Variants in KLHDC10 observed in about 807,000 individuals in gnomAD.
KLHDC10 encodes the protein kelch domain containing 10.
KLHDC10 carries 24 observed loss-of-function variants against 56.1 expected under a neutral mutation model. The observed-to-expected ratio is 0.43, with a 90% CI of 0.31 to 0.60. KLHDC10 has a LOEUF of 0.60. KLHDC10 is among the 20% of genes least tolerant of loss of function. The pLI, the probability that KLHDC10 is intolerant of heterozygous loss-of-function variation, is 0.11. For synonymous variants in KLHDC10, 188 were observed against 207.1 expected, an observed-to-expected ratio of 0.91 and a Z score of 0.79; for missense variants, 349 against 567.0, an observed-to-expected ratio of 0.62 and a Z score of 3.91.
intron 9 of KLHDC10, among the ~76,000 whole-genome samples, chr7:130,129,814 C>A (rs1187017990): frequency 6.6e-6 from 1 of 152,168 alleles, no homozygotes; most frequent in Admixed American, 6.5e-5. Context: ...CATTCCGGCC[C>A]TGACCGTGAT....
At chr7:130,125,302 G>A (rs903821811) in intron 6 of KLHDC10, among the ~76,000 whole-genome samples, 37 of 152,294 alleles carry the variant, frequency 2.4e-4, no homozygotes, top group African/African-American at 7.0e-4. Flanking sequence ...AGCCCTTTGG[G>A]AGGCCGAGGC....
intron 7 of KLHDC10, among the ~76,000 whole-genome samples, chr7:130,127,199 C>T (rs920575775): frequency 5.3e-5 from 8 of 152,194 alleles, no homozygotes; most frequent in African/African-American, 1.4e-4. Context: ...TCTTTGTTTC[C>T]GGCACCTTAG....
intron 2 of KLHDC10, among the ~76,000 whole-genome samples, chr7:130,114,156 T>G (rs569241522): frequency 2.5e-4 from 38 of 152,270 alleles, no homozygotes; most frequent in Admixed American, 5.9e-4. Flanking sequence ...CTGTTTTAGG[T>G]GTTGTGGGTG....
chr7:130,088,792 G>T (rs1795729115), intron 1 of KLHDC10, among the ~76,000 whole-genome samples: 2 of 148,972 alleles, frequency 1.3e-5, no homozygotes, highest in Admixed American at 6.7e-5. Context: ...ACAGGGACCC[G>T]CCACCACACC....
chr7:130,070,718 C>T lies in KLHDC10; in HGVS notation c.75C>T (p.Ser25=). The change falls in exon 1 of 10, where the codon AGC becomes AGT. Residue 25 remains serine, a synonymous_variant. Transcript: ENST00000335420. ...CCGCCGGCGCTGGTGGCGGAGGTAGCGGGGCCGGCGGGGGCAGTGGGGGCA... is the reference window on the plus strand; with the variant it reads ...CCGCCGGCGCTGGTGGCGGAGGTAGTGGGGCCGGCGGGGGCAGTGGGGGCA... ...GGAAGAGGGG[S]GAGGGSGGSG... 6 of 966,722 alleles carry T rather than the reference C, an allele frequency of 6.2e-6. No individual in the cohort carries two copies. The highest frequency in any genetic ancestry group is 7.3e-5 in the South Asian group (2 of 27,244). The allele number at this position is 966,722 out of a possible 1,614,324, so 59.9% of individuals were successfully genotyped here.
rs1435946892 is a variant in KLHDC10, at chr7:130,070,733, C to T, written c.90C>T (p.Gly30=). 36 of 1,237,520 alleles carry T rather than the reference C, an allele frequency of 2.9e-5. No individual in the cohort carries two copies. The highest frequency in any genetic ancestry group is 3.1e-5 in the East Asian group (1 of 32,324). 76.7% of individuals were successfully genotyped at this position (1,237,520 alleles called of 1,614,324 possible). Residue 30 remains glycine, a synonymous_variant, in exon 1 of 10, where the codon GGC becomes GGT. Transcript: ENST00000335420. The part of the protein sequence containing the change: ...AGGGGSGAGG[G]SGGSGGRGTG... ...GCGGAGGTAGCGGGGCCGGCGGGGG[C>T]AGTGGGGGCAGCGGGGGTCGGGGGA...
chr7:130,110,630 T>G (rs1295425455), intron 2 of KLHDC10, among the ~76,000 whole-genome samples: 2 of 152,220 alleles, frequency 1.3e-5, no homozygotes, highest in Non-Finnish European at 2.9e-5. Context: ...GGATCAAACT[T>G]CCTTGGCTTT....
chr7:130,112,032 AT>A (rs34690520), intron 2 of KLHDC10, among the ~76,000 whole-genome samples: 1 of 152,180 alleles, frequency 6.6e-6, no homozygotes. Context: ...TCTATTAAAA[AT>A]TTTTTGTTTT....
rs902795992 is a variant in KLHDC10 at position 130,135,496 on chromosome 7, A to G, written c.*4750A>G. On this transcript the variant is annotated 3_prime_UTR_variant, in exon 10 of 10. Coordinates refer to ENST00000335420, the MANE Select transcript of KLHDC10 (RefSeq NM_014997.4). ...CCTTACTTTAAAGCTATTTTGCCAC[A>G]GTCCTGTTAAATAGTGTGGACGTCC... 3 of 154,410 alleles carry G rather than the reference A, an allele frequency of 1.9e-5. No individual in the cohort carries two copies. The highest frequency in any genetic ancestry group is 6.5e-5 in the Admixed American group (1 of 15,292). 9.6% of individuals were successfully genotyped at this position (154,410 alleles called of 1,614,324 possible).
At chr7:130,084,112 T>C (rs1322379079) in intron 1 of KLHDC10, among the ~76,000 whole-genome samples, 1 of 152,248 alleles carries the variant, frequency 6.6e-6, no homozygotes, top group African/African-American at 2.4e-5. Context: ...ATTTCCTTGC[T>C]TTCTCCATAT....
intron 8 of KLHDC10, 80 bp from the exon 9 acceptor site, chr7:130,129,357 G>T: frequency 2.0e-6 from 3 of 1,518,254 alleles, no homozygotes; most frequent in Non-Finnish European, 2.7e-6. Context: ...ATGTCAGCTG[G>T]CTGTGTGACC....
At chr7:130,107,153 A>G (rs1001289018) in intron 2 of KLHDC10, among the ~76,000 whole-genome samples, 2 of 152,220 alleles carry the variant, frequency 1.3e-5, no homozygotes, top group African/African-American at 4.8e-5. Flanking sequence ...ATAACGGCAT[A>G]ACCTTACCAG....
At chr7:130,078,562 A>G (rs1460471263) in intron 1 of KLHDC10, among the ~76,000 whole-genome samples, 4 of 151,352 alleles carry the variant, frequency 2.6e-5, no homozygotes, top group Admixed American at 2.6e-4. Flanking sequence ...TCTGTCACCC[A>G]GGCTGGAGTG....
At chr7:130,119,742 G>A (rs1474323389) in intron 3 of KLHDC10, among the ~76,000 whole-genome samples, 1 of 151,206 alleles carries the variant, frequency 6.6e-6, no homozygotes, top group Non-Finnish European at 1.5e-5. Flanking sequence ...TACTAGGGAG[G>A]CTGAGGCAGG....
intron 1 of KLHDC10, among the ~76,000 whole-genome samples, chr7:130,075,836 G>A (rs1795490409): frequency 6.6e-6 from 1 of 152,102 alleles, no homozygotes; most frequent in Non-Finnish European, 1.5e-5. Context: ...TATTTAAATT[G>A]TCAGTTTAAT....
chr7:130,088,208 G>A (rs966248881), intron 1 of KLHDC10, among the ~76,000 whole-genome samples: 7 of 152,032 alleles, frequency 4.6e-5, no homozygotes, highest in Non-Finnish European at 1.0e-4. Flanking sequence ...TTCTTGGAAG[G>A]CATTGCATTT....
chr7:130,075,530 G>A (rs149227747), intron 1 of KLHDC10, among the ~76,000 whole-genome samples: 1 of 152,264 alleles, frequency 6.6e-6, no homozygotes, highest in African/African-American at 2.4e-5. Flanking sequence ...CAGGGGGGAC[G>A]GGAGGGACTT....
chr7:130,109,662 G>C (rs746587441), intron 2 of KLHDC10, among the ~76,000 whole-genome samples: 2 of 151,882 alleles, frequency 1.3e-5, no homozygotes, highest in Non-Finnish European at 2.9e-5. Flanking sequence ...GTTTTGAGAC[G>C]GAGTCTCACT....
At chr7:130,073,768 C>T (rs187949339) in intron 1 of KLHDC10, among the ~76,000 whole-genome samples, 67 of 152,314 alleles carry the variant, frequency 4.4e-4, no homozygotes, top group Middle Eastern at 3.4e-3. Context: ...GCTTCTTTAT[C>T]CATCCAGTTA....
Sources: gnomAD v4.1 joint callset for allele counts (sites outside exome capture counted in the v4.1 genomes callset) on GRCh38, gnomAD v4.1.1 for gene constraint, MANE v1.5 for transcripts, NCBI Gene and HGNC (gene_info 2026-07-23, HGNC 2026-07-21) for gene names.